The following HTT variants were observed in gnomAD, a reference collection of about 807,000 sequenced individuals.
HTT encodes huntington disease protein.
HTT carries 104 observed loss-of-function variants against 362.3 expected under a neutral mutation model. The observed-to-expected ratio is 0.29, with a 90% CI of 0.24 to 0.34. The LOEUF is 0.34. HTT is among the 10% of genes least tolerant of loss of function. The pLI, the probability that HTT is intolerant of heterozygous loss-of-function variation, is 1.00. For missense variants in HTT, 3,301 were observed against 3,928.6 expected (o/e 0.84, Z 4.27); for synonymous variants, 1,577 against 1,548.7 (o/e 1.02, Z -0.43).
intron 6 of HTT, 43 bp from the exon 7 acceptor site, chr4:3,115,261 T>C (rs760051466): frequency 6.3e-7 from 1 of 1,588,778 alleles, no homozygotes; most frequent in Non-Finnish European, 8.6e-7. Context: ...ATAAGCTTCA[T>C]AGGAGCTTCA....
In HTT at chr4:3,240,072, G is replaced by A. The variant is rs763034423; in HGVS notation, c.*13G>A. On this transcript the variant is annotated 3_prime_UTR_variant, in exon 67 of 67. Coordinates refer to ENST00000355072, the MANE Select transcript of HTT (RefSeq NM_001388492.1). ...CACCACCTGCTGAGCGCCATGGTGG[G>A]AGAGACTGTGAGGCGGCAGCTGGGG... 6 of 1,565,830 alleles carry A rather than the reference G, an allele frequency of 3.8e-6. No individual in the cohort carries two copies. Among genetic ancestry groups the A allele is most frequent in the Non-Finnish European group, 5.2e-6 (6 of 1,151,924 alleles).
chr4:3,200,390 A>G (rs985880113), intron 41 of HTT, among the ~76,000 whole-genome samples: 3 of 152,212 alleles, frequency 2.0e-5, no homozygotes, highest in Non-Finnish European at 4.4e-5. Context: ...TTACCATTCA[A>G]AAAGGCTTAC....
At chr4:3,233,588 G>A (rs1415338664) in intron 61 of HTT, among the ~76,000 whole-genome samples, 1 of 152,204 alleles carries the variant, frequency 6.6e-6, no homozygotes, top group Non-Finnish European at 1.5e-5. Context: ...GCTGTCTCAT[G>A]TGGCGCTTAG....
At chr4:3,143,436 CAAAAA>C (rs1056047426) in intron 23 of HTT, among the ~76,000 whole-genome samples, 33 of 70,202 alleles carry the variant, frequency 4.7e-4, no homozygotes, top group Admixed American at 1.1e-3. Context: ...GACTCTGTCT[CAAAAA>C]AAAAAAAAAA....
chr4:3,189,161 G>A, intron 40 of HTT, 68 bp downstream of exon 40: 3 of 1,504,610 alleles, frequency 2.0e-6, no homozygotes, highest in Non-Finnish European at 2.7e-6. Context: ...CTCTCAGAGT[G>A]TAGGAGCTGT....
At position 3,210,084 on chromosome 4, in the gene HTT, C is replaced by T. The variant is rs771795533; in HGVS notation, c.6414+135C>T. 376 of 1,082,100 alleles carry T rather than the reference C, an allele frequency of 3.5e-4. 1 individual carries two copies. The Middle Eastern group carries it at 4.0e-3, about 12-fold the overall frequency. The allele number at this position is 1,082,100 out of a possible 1,614,324, so 67.0% of individuals were successfully genotyped here. A position where few individuals can be genotyped will look rare whatever the true frequency, so the allele number is the denominator to read the frequency against. ...TCCAGTCTGGGCAGGGACGGGATGT[C>T]GGAGAGACTCCACTCTGAATGGGGC... On this transcript the variant is annotated intron_variant, in intron 47 of 66. Transcript: ENST00000355072.
chr4:3,219,072 C>T (rs1195108033), intron 52 of HTT, among the ~76,000 whole-genome samples: 2 of 152,150 alleles, frequency 1.3e-5, no homozygotes, highest in African/African-American at 2.4e-5. Flanking sequence ...GGGCTTATTC[C>T]GAAGAAGAGG....
At chr4:3,086,772 C>T (rs982855588) in intron 1 of HTT, among the ~76,000 whole-genome samples, 167 bp from the exon 2 acceptor site, 2 of 152,178 alleles carry the variant, frequency 1.3e-5, no homozygotes, top group South Asian at 2.1e-4. Flanking sequence ...TTGGTGAACT[C>T]GTGCCCTGTG....
chr4:3,228,562 A>C lies in HTT; in HGVS notation c.7849-53A>C. 3 of 1,510,582 alleles carry C rather than the reference A, an allele frequency of 2.0e-6. No individual in the cohort carries two copies. Among genetic ancestry groups the C allele is most frequent in the Non-Finnish European group, 2.7e-6 (3 of 1,129,516 alleles). 93.6% of individuals were successfully genotyped at this position (1,510,582 alleles called of 1,614,324 possible). ...GTCCCAGTGGCCACACCCACCCACC[A>C]GGAGCCTGGCACTGTGGCCGCAGCA... On this transcript the variant is annotated intron_variant, in intron 57 of 66. Coordinates refer to ENST00000355072, the MANE Select transcript of HTT (RefSeq NM_001388492.1). This position sits in a 1 kb window ranked among gnomAD's most constrained non-coding sequence, Gnocchi z 4.3.
chr4:3,216,608 G>T (rs1483152800), intron 51 of HTT, among the ~76,000 whole-genome samples: 1 of 152,256 alleles, frequency 6.6e-6, no homozygotes, highest in Non-Finnish European at 1.5e-5. Flanking sequence ...GGGCCCTGAA[G>T]TGGGTTCTGT....
At chr4:3,170,536 C>T (rs1259285385) in intron 29 of HTT, among the ~76,000 whole-genome samples, 1 of 152,136 alleles carries the variant, frequency 6.6e-6, no homozygotes, top group East Asian at 1.9e-4. Flanking sequence ...GCTGAGTACT[C>T]GAGAGGGACC....
intron 10 of HTT, 29 bp from the exon 11 acceptor site, chr4:3,125,520 A>G (rs766025989): frequency 2.0e-6 from 3 of 1,517,754 alleles, no homozygotes; most frequent in Non-Finnish European, 2.7e-6. Context: ...TTAGCAAACT[A>G]AAAGGAATGT....
Position 3,187,764 on chromosome 4 carries a change from C to T in HTT, c.5103C>T (p.Phe1701=). The T allele has an allele frequency of 6.2e-7, 1 of 1,613,358 alleles. No homozygotes were observed. Among genetic ancestry groups the T allele is most frequent in the Non-Finnish European group, 8.5e-7 (1 of 1,179,292 alleles). ...TTTCTCGTATTCAGGAGCTCTCCTT[C>T]TCTCCGTATTTAATCTCCTGTACAG... is the stretch of plus-strand genomic sequence containing the variant. ...IVLSRIQELS[F]SPYLISCTVI... Residue 1701 remains phenylalanine (F), a synonymous_variant, in exon 39 of 67, where the codon TTC becomes TTT. Transcript: ENST00000355072.
In HTT at chr4:3,074,726, T is replaced by C; in HGVS notation, c.-100T>C. The C allele has an allele frequency of 7.7e-7, 1 of 1,302,192 alleles. No homozygotes were observed. Among genetic ancestry groups the C allele is most frequent in the African/African-American group, 1.6e-5 (1 of 64,268 alleles). The allele number at this position is 1,302,192 out of a possible 1,614,324, so 80.7% of individuals were successfully genotyped here. On this transcript the variant is annotated 5_prime_UTR_variant, in exon 1 of 67. Transcript: ENST00000355072. ...ATGGACGGCCGCTCAGGTTCTGCTT[T>C]TACCTGCGGCCCAGAGCCCCATTCA...
At chr4:3,168,874 T>C (rs1717835739) in intron 29 of HTT, among the ~76,000 whole-genome samples, 1 of 152,146 alleles carries the variant, frequency 6.6e-6, no homozygotes, top group Admixed American at 6.5e-5. Flanking sequence ...TTATACTGTC[T>C]GTTTTGGGTG....
At position 3,178,346 on chromosome 4, in the gene HTT, A is replaced by G. The variant is rs555724134; in HGVS notation, c.4512A>G (p.Leu1504=). ...ACATCTTTTTCTTCTTGGTATTACT[A>G]TCTTATGAACGCTATCATTCAAAAC... ...IPNIFFFLVL[L]SYERYHSKQI... The change falls in exon 35 of 67, where the codon CTA becomes CTG. Residue 1504 remains leucine (L), a synonymous_variant. Transcript: ENST00000355072. The G allele has an allele frequency of 2.2e-5, 36 of 1,611,686 alleles. 2 individuals carry two copies. The South Asian group carries it at 3.0e-4, about 13-fold the overall frequency.
At chr4:3,160,129 A>G (rs1717364213) in intron 28 of HTT, among the ~76,000 whole-genome samples, 153 bp from the exon 29 acceptor site, 1 of 152,226 alleles carries the variant, frequency 6.6e-6, no homozygotes, top group Non-Finnish European at 1.5e-5. Context: ...TCCAGTGCTG[A>G]CAACAAACAC....
intron 56 of HTT, 137 bp from the exon 57 acceptor site, chr4:3,225,524 G>C (rs1720870475): frequency 3.0e-6 from 2 of 667,278 alleles, no homozygotes; most frequent in Non-Finnish European, 5.2e-6. Context: ...GCACAACCTG[G>C]GCCCTCCTGC....
Position 3,134,429 on chromosome 4 carries a change from G to C in HTT, c.2522G>C (p.Ser841Thr), listed in dbSNP as rs766506689. The change falls in exon 19 of 67, where the codon AGC becomes ACC. Residue 841 changes from serine to threonine, a missense_variant. This residue lies in a region of HTT where 2,316 missense variants were observed against 2,658.5 expected (regional missense o/e 0.87). Coordinates refer to ENST00000355072, the MANE Select transcript of HTT (RefSeq NM_001388492.1). ...RNCVMSLCSS[S>T]YSELGLQLII... ...TGTGTCATGAGTCTCTGCAGCAGCA[G>C]CTACAGTGAGTTAGGACTGCAGCTG... 4.3e-6 allele frequency: 7 copies of C among 1,614,002 alleles called. No homozygotes were observed. Among genetic ancestry groups the C allele is most frequent in the Non-Finnish European group, 5.9e-6 (7 of 1,180,000 alleles).
Sources: allele counts gnomAD v4.1 joint callset (sites outside exome capture counted in the v4.1 genomes callset), GRCh38; gene constraint gnomAD v4.1.1; regional missense constraint gnomAD v4.1.1; non-coding constraint Gnocchi (gnomAD v3.1); transcripts MANE v1.5; gene names NCBI Gene and HGNC (gene_info 2026-07-23, HGNC 2026-07-21).